SYCE1: variants seen among roughly 807,000 people sequenced by gnomAD.
SYCE1 encodes cancer/testis antigen 76.
SYCE1 carries 37 observed loss-of-function variants against 55.1 expected under a neutral mutation model. That is an observed-to-expected ratio of 0.67 (90% confidence interval 0.52 to 0.88). The LOEUF (loss-of-function observed/expected upper bound fraction) is 0.88, where lower values mean the gene tolerates loss of function less well. Among genes scored for constraint, SYCE1 ranks in the 40% least tolerant of loss-of-function variants. The pLI is 0.00. For synonymous variants in SYCE1, 163 were observed against 159.4 expected (o/e 1.02, Z -0.17); for missense variants, 399 against 416.4 (o/e 0.96, Z 0.36).
In SYCE1 at chr10:133,555,847, C is replaced by A. The variant is rs1314320112; in HGVS notation, c.652G>T (p.Gly218Trp). Reference protein sequence around the residue: ...DVKHQLCSLCGAEGPSTLDEG... With the variant: ...DVKHQLCSLCWAEGPSTLDEG... ...TCAAGGGTGGAGGGGCCCTCAGCCC[C>A]ACACAGGGAGCACAGCTGATGCTTC... Residue 218 changes from glycine (G) to tryptophan (W), a missense_variant, in exon 10 of 13, where the codon GGG becomes TGG. By Grantham distance (184) the Gly-to-Trp change is radical. Coordinates refer to ENST00000343131, the MANE Select transcript of SYCE1 (RefSeq NM_001143764.3). 6.2e-7 allele frequency: 1 copy of A among 1,613,920 alleles called. No homozygotes were observed. The highest frequency in any genetic ancestry group is 1.3e-5 in the African/African-American group (1 of 74,928).
chr10:133,555,879 TC>T lies in SYCE1; in HGVS notation c.619del (p.Glu207LysfsTer3), dbSNP rs751081143. The T allele has an allele frequency of 6.2e-7, 1 of 1,614,056 alleles. No homozygotes were observed. The highest frequency in any genetic ancestry group is 1.3e-5 in the African/African-American group (1 of 75,032). On this transcript the variant is annotated frameshift_variant, in exon 10 of 13. Transcript: ENST00000343131. LOFTEE classifies it high-confidence loss of function. ...GGAGCACAGCTGATGCTTCACGTCTTCCAGTGTCGCCTTGACCAGCTTCTCT... is the reference window on the plus strand; with the variant it reads ...GGAGCACAGCTGATGCTTCACGTCTTCAGTGTCGCCTTGACCAGCTTCTCT... ...KEEKLVKATL[E>X]DVKHQLCSLC...
At chr10:133,559,164 A>T in intron 3 of SYCE1, 137 bp downstream of exon 3, 1 of 1,021,270 alleles carries the variant, frequency 9.8e-7, no homozygotes, top group Non-Finnish European at 1.5e-6. Context: ...AATGCCCTGT[A>T]CTTAATTTAA....
downstream of SYCE1, chr10:133,554,172 C>G (rs1271873161): frequency 3.5e-6 from 3 of 864,408 alleles, no homozygotes; most frequent in African/African-American, 3.3e-5. Context: ...TTGTTTAAGA[C>G]AGGTATGATT....
At chr10:133,554,692 G>C, downstream of SYCE1, 1 of 775,692 alleles carries the variant, frequency 1.3e-6, no homozygotes, top group Non-Finnish European at 2.2e-6. Flanking sequence ...TGTAATGAAG[G>C]AATTGAAGAA....
In SYCE1 at chr10:133,558,860, A is replaced by AC. The variant is rs1426686041; in HGVS notation, c.271+16dup. The AC allele has an allele frequency of 8.1e-6, 13 of 1,612,490 alleles. No individual in the cohort carries two copies. The highest frequency in any genetic ancestry group is 1.7e-5 in the Admixed American group (1 of 59,716). Reference sequence around the variant, plus strand: ...AAGACACTGTGGGGACCTCTGGGTGACCCCCGGCTCTCTTACGCGAGTCCA... The same window carrying AC: ...AAGACACTGTGGGGACCTCTGGGTGACCCCCCGGCTCTCTTACGCGAGTCCA... On this transcript the variant is annotated intron_variant, in intron 4 of 12. Coordinates refer to ENST00000343131, the MANE Select transcript of SYCE1 (RefSeq NM_001143764.3).
At chr10:133,564,133 G>A (rs1851874337) in intron 1 of SYCE1, among the ~76,000 whole-genome samples, 1 of 152,142 alleles carries the variant, frequency 6.6e-6, no homozygotes, top group Non-Finnish European at 1.5e-5. Flanking sequence ...GCATTAGGAG[G>A]TGGGGCCTTT....
intron 6 of SYCE1, 98 bp from the exon 7 acceptor site, chr10:133,557,254 C>A: frequency 1.0e-6 from 1 of 982,684 alleles, no homozygotes; most frequent in Non-Finnish European, 1.6e-6. Context: ...TATTTTTTCC[C>A]TCTACATTAA....
rs1287897650 is a variant in SYCE1 at position 133,555,443 on chromosome 10, A to G, written c.831-5T>C. On this transcript the variant is annotated splice_region_variant and splice_polypyrimidine_tract_variant and intron_variant, in intron 11 of 12. Coordinates refer to ENST00000343131, the MANE Select transcript of SYCE1 (RefSeq NM_001143764.3). ...TTTTCCAGCTCTTCCTTCAGCCTGG[A>G]CAGGAAGAGGTAGGATGGGGGAAGG... 6.2e-7 allele frequency: 1 copy of G among 1,613,724 alleles called. No individual in the cohort carries two copies. The highest frequency in any genetic ancestry group is 8.5e-7 in the Non-Finnish European group (1 of 1,179,922).
At position 133,555,891 on chromosome 10, in the gene SYCE1, T is replaced by C. The variant is rs1325401160; in HGVS notation, c.608A>G (p.Lys203Arg). 1 of 1,613,882 alleles carries C rather than the reference T, an allele frequency of 6.2e-7. No individual in the cohort carries two copies. Among genetic ancestry groups the C allele is most frequent in the African/African-American group, 1.3e-5 (1 of 74,902 alleles). ...ATGCTTCACGTCTTCCAGTGTCGCC[T>C]TGACCAGCTTCTCTGCAGCACAAAG... ...EQLLKEEKLV[K>R]ATLEDVKHQL... The change falls in exon 10 of 13, where the codon AAG becomes AGG. Residue 203 changes from lysine to arginine, a missense_variant. Transcript: ENST00000343131.
At chr10:133,556,696 C>A in intron 8 of SYCE1, 63 bp downstream of exon 8, 1 of 1,515,920 alleles carries the variant, frequency 6.6e-7, no homozygotes, top group Non-Finnish European at 9.0e-7. Flanking sequence ...AAGAAGTGAC[C>A]GTTTGGGCCT....
intron 1 of SYCE1, chr10:133,561,154 C>T (rs1851806604): frequency 6.6e-6 from 1 of 152,160 alleles, no homozygotes; most frequent in African/African-American, 2.4e-5. Context: ...TCATCAGGAC[C>T]TCCTGAGGCC....
chr10:133,559,340 C>T lies in SYCE1; in HGVS notation c.157G>A (p.Val53Ile). 4 of 1,614,148 alleles carry T rather than the reference C, an allele frequency of 2.5e-6. No individual in the cohort carries two copies. The highest frequency in any genetic ancestry group is 3.4e-6 in the Non-Finnish European group (4 of 1,180,016). ...LQKVGSLEPR[V>I]EVLINRINEV... The stretch of plus-strand genomic sequence containing the variant: ...TTAATCCGGTTAATCAGGACCTCAA[C>T]TCGGGGCTCTAGGCTTCCCACTGCA... The change falls in exon 3 of 13, where the codon GTT (valine) becomes ATT (isoleucine). Residue 53 changes from valine to isoleucine, a missense_variant. Val to Ile is a conservative substitution (Grantham distance 29). Transcript: ENST00000343131.
downstream of SYCE1, chr10:133,554,753 T>G (rs1291125746): frequency 7.3e-7 from 1 of 1,361,130 alleles, no homozygotes. Flanking sequence ...CCAGACCTCC[T>G]GGGCCCACTG....
chr10:133,556,314 G>T (rs1049981156), intron 8 of SYCE1: 3 of 570,628 alleles, frequency 5.3e-6, no homozygotes, highest in Non-Finnish European at 9.3e-6. Context: ...CAAGCACTGT[G>T]AGTCTTGGCT....
upstream of SYCE1, chr10:133,568,156 G>T: frequency 1.1e-6 from 1 of 885,428 alleles, no homozygotes; most frequent in Non-Finnish European, 1.8e-6. Flanking sequence ...GGCACAGGCC[G>T]CCCGTGGGTC....
chr10:133,568,175 G>A (rs61868698), upstream of SYCE1: 3 of 999,570 alleles, frequency 3.0e-6, no homozygotes, highest in African/African-American at 1.5e-5. Context: ...TCCAGCGCCC[G>A]AAGTCCACGT....
At chr10:133,567,153 G>A (rs915869501), upstream of SYCE1, among the ~76,000 whole-genome samples, 3 of 151,566 alleles carry the variant, frequency 2.0e-5, no homozygotes, top group Non-Finnish European at 4.4e-5. Flanking sequence ...AGGGGTCAGG[G>A]GTCCGGTCAA....
At chr10:133,556,616 C>G (rs1851689402) in intron 8 of SYCE1, 143 bp downstream of exon 8, 2 of 820,804 alleles carry the variant, frequency 2.4e-6, no homozygotes, top group South Asian at 1.6e-5. Context: ...TGACAAGGGA[C>G]TGGATTCAGG....
chr10:133,559,506 G>A (rs10857751), intron 2 of SYCE1, 146 bp from the exon 3 acceptor site: 79,169 of 733,244 alleles, frequency 0.11, 5,386 homozygotes, highest in East Asian at 0.27. Context: ...CGGGGCTCAC[G>A]TTCTGGGTGG....
Sources: allele counts gnomAD v4.1 joint callset (sites outside exome capture counted in the v4.1 genomes callset), GRCh38; gene constraint gnomAD v4.1.1; transcripts MANE v1.5; gene names NCBI Gene and HGNC (gene_info 2026-07-23, HGNC 2026-07-21).